Variants in USH1C observed in about 807,000 individuals in gnomAD.
USH1C encodes harmonin.
Under a neutral mutation model 119.3 loss-of-function variants are expected in USH1C, and 90 were observed. The observed-to-expected ratio is 0.75, with a 90% CI of 0.64 to 0.90. The LOEUF (loss-of-function observed/expected upper bound fraction) is 0.90. Among genes scored for constraint, USH1C ranks in the 40% least tolerant of loss-of-function variants. The pLI, the probability that USH1C is intolerant of heterozygous loss-of-function variation, is 0.00. For synonymous variants in USH1C, 465 were observed against 443.3 expected, an observed-to-expected ratio of 1.05 and a Z score of -0.62; for missense variants, 1,165 against 1,167.7, an observed-to-expected ratio of 1.00 and a Z score of 0.03.
intron 9 of USH1C, 30 bp from the exon 10 acceptor site, chr11:17,523,508 G>A: frequency 6.2e-7 from 1 of 1,611,760 alleles, no homozygotes; most frequent in South Asian, 1.1e-5. Context: ...AGATTAGTGT[G>A]TTTGCGCTAT....
rs573454807 is a variant in USH1C at position 17,496,632 on chromosome 11, A to C, written c.2546+126T>G. The stretch of plus-strand genomic sequence containing the variant: ...CAGGAGTTTTCTAGGAGCTCTGGCT[A>C]TGAGAAGCTGCGTGCTTGGGCCATT... On this transcript the variant is annotated intron_variant, in intron 25 of 26. Coordinates refer to ENST00000005226, the MANE Select transcript of USH1C (RefSeq NM_153676.4). 3.4e-4 allele frequency: 407 copies of C among 1,184,706 alleles called. No homozygotes were observed. In the African/African-American group the frequency reaches 5.4e-3, roughly 16 times the overall value. The allele number at this position is 1,184,706 out of a possible 1,614,324, so 73.4% of individuals were successfully genotyped here. A position where few individuals can be genotyped will look rare whatever the true frequency, so the allele number is the denominator to read the frequency against.
Position 17,520,810 on chromosome 11 carries a change from G to A in USH1C, c.1210+60C>T, listed in dbSNP as rs1382194820. The A allele has an allele frequency of 5.6e-6, 9 of 1,605,212 alleles. No homozygotes were observed. The African/African-American group carries it at 8.0e-5, about 14-fold the overall frequency. On this transcript the variant is annotated intron_variant, in intron 14 of 26. Coordinates refer to ENST00000005226, the MANE Select transcript of USH1C (RefSeq NM_153676.4). ...CATCTAGGAGGTGGTGGTGAGGGGAGGGAGGGCCAGCATTTCTGACTAGTT... is the reference window on the plus strand; with the variant it reads ...CATCTAGGAGGTGGTGGTGAGGGGAAGGAGGGCCAGCATTTCTGACTAGTT...
At chr11:17,507,012 G>A (rs1849675577) in intron 18 of USH1C, among the ~76,000 whole-genome samples, 1 of 152,230 alleles carries the variant, frequency 6.6e-6, no homozygotes, top group Non-Finnish European at 1.5e-5. Context: ...CAGTGCCTGT[G>A]GATAGATCTG....
At position 17,531,068 on chromosome 11, in the gene USH1C, T is replaced by A; in HGVS notation, c.387+86A>T. On this transcript the variant is annotated intron_variant, in intron 4 of 26. Coordinates refer to ENST00000005226, the MANE Select transcript of USH1C (RefSeq NM_153676.4). This position sits in a 1 kb window ranked among gnomAD's most constrained non-coding sequence, Gnocchi z 4.2. The stretch of plus-strand genomic sequence containing the variant: ...GGCTCAGAAAAGTGGGTGACCATGT[T>A]GTGCCACACAGCCTAGTGGATGAAT... The A allele has an allele frequency of 6.2e-7, 1 of 1,601,264 alleles. No homozygotes were observed. The highest frequency in any genetic ancestry group is 1.1e-5 in the South Asian group (1 of 89,886).
At chr11:17,502,089 A>G (rs1849469064) in intron 20 of USH1C, 109 bp from the exon 21 acceptor site, 6 of 1,190,164 alleles carry the variant, frequency 5.0e-6, no homozygotes, top group Non-Finnish European at 7.2e-6. Context: ...AGTGAGGGGT[A>G]GGGCGGGAGA....
intron 20 of USH1C, among the ~76,000 whole-genome samples, chr11:17,504,424 C>A (rs1223581013): frequency 3.3e-5 from 5 of 152,184 alleles, no homozygotes; most frequent in African/African-American, 1.2e-4. Flanking sequence ...TGCTGTTTCT[C>A]AGCTCATGCA....
chr11:17,509,895 C>T (rs111722646), intron 17 of USH1C, 57 bp from the exon 18 acceptor site: 6 of 1,550,900 alleles, frequency 3.9e-6, no homozygotes, highest in Middle Eastern at 1.7e-4. Flanking sequence ...CTCCACTTCA[C>T]AATACAGCGA....
intron 22 of USH1C, among the ~76,000 whole-genome samples, 165 bp from the exon 23 acceptor site, chr11:17,501,315 G>C (rs995043218): frequency 1.3e-5 from 2 of 152,194 alleles, no homozygotes; most frequent in Non-Finnish European, 2.9e-5. Context: ...AGTGGGGCCT[G>C]GGTATGCGGC....
At chr11:17,498,120 A>T (rs1849304320) in intron 24 of USH1C, 42 bp downstream of exon 24, 1 of 1,579,062 alleles carries the variant, frequency 6.3e-7, no homozygotes, top group Non-Finnish European at 8.7e-7. Flanking sequence ...GGTTTGAGGC[A>T]GGCAGGTGAG....
chr11:17,532,841 C>T (rs899075135), intron 2 of USH1C, among the ~76,000 whole-genome samples: 2 of 152,174 alleles, frequency 1.3e-5, no homozygotes, highest in Admixed American at 6.5e-5. Context: ...CTGCACAGTG[C>T]CCAGCAGTGG....
At chr11:17,529,248 C>T (rs1300152467) in intron 4 of USH1C, among the ~76,000 whole-genome samples, 1 of 152,230 alleles carries the variant, frequency 6.6e-6, no homozygotes, top group Non-Finnish European at 1.5e-5. Flanking sequence ...ATGTCACAGG[C>T]TGCCCTGTGC....
intron 1 of USH1C, among the ~76,000 whole-genome samples, chr11:17,539,995 C>T (rs1851393930): frequency 6.6e-6 from 1 of 151,966 alleles, no homozygotes; most frequent in African/African-American, 2.4e-5. Flanking sequence ...CCACACCTGG[C>T]TAATTTTTGT....
chr11:17,521,579 C>T (rs1251716668), intron 12 of USH1C, among the ~76,000 whole-genome samples, 168 bp from the exon 13 acceptor site: 3 of 152,118 alleles, frequency 2.0e-5, no homozygotes, highest in Non-Finnish European at 2.9e-5. Context: ...AAAGTCTGGA[C>T]GCTGTGCTCT....
At chr11:17,508,577 G>A (rs541803569) in intron 18 of USH1C, among the ~76,000 whole-genome samples, 2 of 152,330 alleles carry the variant, frequency 1.3e-5, no homozygotes, top group Non-Finnish European at 2.9e-5. Flanking sequence ...CCCTTCATGG[G>A]ATCCAAGCTC....
Position 17,533,329 on chromosome 11 carries a change from A to G in USH1C, c.37-7T>C. The G allele has an allele frequency of 6.2e-7, 1 of 1,610,118 alleles. No individual in the cohort carries two copies. The highest frequency in any genetic ancestry group is 8.5e-7 in the Non-Finnish European group (1 of 1,177,256). On this transcript the variant is annotated splice_region_variant and splice_polypyrimidine_tract_variant and intron_variant, in intron 1 of 26. Transcript: ENST00000005226. Reference sequence around the variant, plus strand: ...TTTCAATCAGAAAATCCACCTGGAAAATCCAATAGCAGAATCACAGCTCCA... The same window carrying G: ...TTTCAATCAGAAAATCCACCTGGAAGATCCAATAGCAGAATCACAGCTCCA...
chr11:17,525,408 G>A (rs1565054984), intron 8 of USH1C, among the ~76,000 whole-genome samples: 1 of 152,194 alleles, frequency 6.6e-6, no homozygotes, highest in Admixed American at 6.5e-5. Context: ...GAAAGAACAG[G>A]GATAACTTAA....
At chr11:17,536,345 G>C (rs189062169) in intron 1 of USH1C, among the ~76,000 whole-genome samples, 24 of 152,342 alleles carry the variant, frequency 1.6e-4, no homozygotes, top group Admixed American at 1.3e-3. Context: ...TGTAGCATTA[G>C]ATTTCAGTAG....
chr11:17,516,230 C>A lies in USH1C; in HGVS notation c.1260+11G>T. ...AGCAGCACACCAGCACAGCACCCAACCCTGTCCTACCTTCCGGATGGTTGG... is the reference window on the plus strand; with the variant it reads ...AGCAGCACACCAGCACAGCACCCAAACCTGTCCTACCTTCCGGATGGTTGG... On this transcript the variant is annotated intron_variant, in intron 15 of 26. Transcript: ENST00000005226. The A allele has an allele frequency of 6.2e-7, 1 of 1,613,708 alleles. No homozygotes were observed. Among genetic ancestry groups the A allele is most frequent in the Non-Finnish European group, 8.5e-7 (1 of 1,179,872 alleles).
At chr11:17,512,540 T>G (rs1408215120) in intron 15 of USH1C, among the ~76,000 whole-genome samples, 1 of 152,260 alleles carries the variant, frequency 6.6e-6, no homozygotes, top group East Asian at 1.9e-4. Flanking sequence ...TCATCTCATG[T>G]TCAGATTCAG....
Sources: gnomAD v4.1 joint callset for allele counts (sites outside exome capture counted in the v4.1 genomes callset) on GRCh38, gnomAD v4.1.1 for gene constraint, Gnocchi (gnomAD v3.1) non-coding constraint, MANE v1.5 for transcripts, NCBI Gene and HGNC (gene_info 2026-07-23, HGNC 2026-07-21) for gene names.